Variants in ZNF600 observed in about 807,000 individuals in gnomAD.
ZNF600 encodes the protein zinc finger protein KR-ZNF1.
In ZNF600, 4 loss-of-function variants were observed where a neutral mutation model predicts 7.3. The observed-to-expected ratio is 0.55, with a 90% CI of 0.27 to 1.25. The LOEUF (loss-of-function observed/expected upper bound fraction) is 1.25. ZNF600 is among the 50% of genes most tolerant of loss of function. ZNF600 has a pLI of 0.12. For missense variants in ZNF600, 911 were observed against 922.1 expected, an observed-to-expected ratio of 0.99 and a Z score of 0.16; for synonymous variants, 290 against 308.9, an observed-to-expected ratio of 0.94 and a Z score of 0.64.
the ZNF600 span, chr19:52,800,819 T>C: frequency 4.3e-6 from 7 of 1,613,976 alleles, no homozygotes; most frequent in South Asian, 7.7e-5. Flanking sequence ...TATGTTTTGC[T>C]AGGTATGAAT....
the ZNF600 span, chr19:52,810,366 T>C: frequency 3.1e-6 from 5 of 1,604,854 alleles, no homozygotes; most frequent in Middle Eastern, 4.2e-4. Flanking sequence ...GGAAGCTCAC[T>C]TTCATGGCTG....
chr19:52,783,432 G>T (rs1374014880), intron 1 of ZNF600, among the ~76,000 whole-genome samples: 2 of 152,076 alleles, frequency 1.3e-5, no homozygotes, highest in Non-Finnish European at 2.9e-5. Flanking sequence ...CGCGATCTCG[G>T]CTCACTGCAA....
At chr19:52,809,256 G>A in the ZNF600 span, among the ~76,000 whole-genome samples, 39 of 152,176 alleles carry the variant, frequency 2.6e-4, no homozygotes, top group South Asian at 6.4e-3. Flanking sequence ...GTAGTAATGC[G>A]GACGTGCACA....
the ZNF600 span, among the ~76,000 whole-genome samples, chr19:52,796,962 G>T: frequency 6.6e-6 from 1 of 152,076 alleles, no homozygotes; most frequent in African/African-American, 2.4e-5. Flanking sequence ...CTCATAACAT[G>T]TATTTTTTCA....
At chr19:52,830,650 A>G in the ZNF600 span, among the ~76,000 whole-genome samples, 24 of 151,938 alleles carry the variant, frequency 1.6e-4, no homozygotes, top group Admixed American at 1.6e-3. Context: ...GCAGCCTCCT[A>G]TAATTTTGTC....
chr19:52,778,262 C>T (rs1223183046), intron 2 of ZNF600, among the ~76,000 whole-genome samples: 1 of 151,852 alleles, frequency 6.6e-6, no homozygotes, highest in Non-Finnish European at 1.5e-5. Context: ...GGTCTTCCTG[C>T]CTTGGCCTCA....
At chr19:52,832,300 A>C in the ZNF600 span, among the ~76,000 whole-genome samples, 1 of 152,150 alleles carries the variant, frequency 6.6e-6, no homozygotes, top group Non-Finnish European at 1.5e-5. Context: ...CGAGTCATTA[A>C]AACTGCAGAG....
rs117514178 is a variant in ZNF600, at chr19:52,778,480, T to C, written c.63+346A>G. On this transcript the variant is annotated intron_variant, in intron 2 of 3. Coordinates refer to ENST00000648973, the Ensembl canonical transcript of ZNF600. ...ACTAACATATGTATTTCATATGTAG[T>C]TTCTCTGATCTGGTCCACAAAGAGC... Among the ~76,000 whole-genome samples, 77 of 152,318 alleles carry C rather than the reference T, an allele frequency of 5.1e-4. 2 individuals are homozygous for C. In the East Asian group the frequency reaches 0.015, roughly 29 times the overall value.
upstream of ZNF600, among the ~76,000 whole-genome samples, chr19:52,790,723 G>A (rs1053605993): frequency 2.8e-5 from 3 of 105,576 alleles, no homozygotes; most frequent in African/African-American, 1.1e-4. Flanking sequence ...GTCTTGCTCT[G>A]TTGCCCAGCC....
chr19:52,775,437 C>A lies in ZNF600; in HGVS notation c.64-736G>T, dbSNP rs150272704. On this transcript the variant is annotated intron_variant, in intron 2 of 3. Transcript: ENST00000648973. ...TCGTGGTGCAGGCCTGTACTCCCAGCTACTCAAGAGGCTGAGGCAGGAGGA... is the reference window on the plus strand; with the variant it reads ...TCGTGGTGCAGGCCTGTACTCCCAGATACTCAAGAGGCTGAGGCAGGAGGA... Among the ~76,000 whole-genome samples, 328 of 151,846 alleles carry A rather than the reference C, an allele frequency of 2.2e-3. 1 individual carries two copies. The highest frequency in any genetic ancestry group is 6.5e-3 in the African/African-American group (269 of 41,392).
At chr19:52,788,796 G>C (rs895949842), upstream of ZNF600, among the ~76,000 whole-genome samples, 1 of 152,216 alleles carries the variant, frequency 6.6e-6, no homozygotes, top group African/African-American at 2.4e-5. Flanking sequence ...AGACAGATGA[G>C]AATCACCTGC....
intron 1 of ZNF600, among the ~76,000 whole-genome samples, chr19:52,786,063 C>A (rs565415598): frequency 9.2e-5 from 14 of 152,314 alleles, no homozygotes; most frequent in African/African-American, 2.9e-4. Context: ...TCTCTATCTC[C>A]TGATCCCTTT....
the ZNF600 span, among the ~76,000 whole-genome samples, chr19:52,812,752 G>A: frequency 0.014 from 777 of 53,798 alleles, 20 homozygotes; most frequent in African/African-American, 0.059. Flanking sequence ...AAACACCCAA[G>A]AATGATCAAT....
chr19:52,769,686 A>G (rs11084194), intron 3 of ZNF600, among the ~76,000 whole-genome samples: 130,108 of 152,088 alleles, frequency 0.86, 56,414 homozygotes, highest in African/African-American at 0.97. Context: ...ACAGTCTCTC[A>G]TCTCCGCATA....
intron 2 of ZNF600, 132 bp downstream of exon 4, chr19:52,778,694 G>C: frequency 1.6e-6 from 2 of 1,254,346 alleles, no homozygotes; most frequent in Non-Finnish European, 1.1e-6. Flanking sequence ...GAGGAACTAA[G>C]GGCAGGCATG....
the ZNF600 span, chr19:52,799,264 A>G: frequency 7.1e-6 from 3 of 422,564 alleles, no homozygotes; most frequent in Non-Finnish European, 1.4e-5. Flanking sequence ...CACTCATCAC[A>G]TTTGTAAGGT....
At chr19:52,804,594 C>T in the ZNF600 span, among the ~76,000 whole-genome samples, 10 of 152,188 alleles carry the variant, frequency 6.6e-5, no homozygotes, top group Non-Finnish European at 1.0e-4. Flanking sequence ...TTGTCTCAAA[C>T]TCGTGACCTC....
intron 1 of ZNF600, among the ~76,000 whole-genome samples, chr19:52,784,082 A>T (rs117019503): frequency 0.15 from 22,688 of 152,080 alleles, 1,895 homozygotes; most frequent in Admixed American, 0.24. Context: ...CCTCAAAAAA[A>T]AATAATAATA....
chr19:52,780,263 T>G (rs977229512), intron 1 of ZNF600, among the ~76,000 whole-genome samples: 1 of 152,158 alleles, frequency 6.6e-6, no homozygotes, highest in Non-Finnish European at 1.5e-5. Flanking sequence ...TCTGTAAGAT[T>G]TTCTGGTTTC....
Sources: gnomAD v4.1 joint callset for allele counts (sites outside exome capture counted in the v4.1 genomes callset) on GRCh38, gnomAD v4.1.1 for gene constraint, MANE v1.5 for transcripts, NCBI Gene and HGNC (gene_info 2026-07-23, HGNC 2026-07-21) for gene names.